Variants in CKLF observed in about 807,000 individuals in gnomAD.
The protein encoded by CKLF is chemokine-like factor.
Under a neutral mutation model 12.9 loss-of-function variants are expected in CKLF, and 16 were observed. The observed-to-expected ratio is 1.24, with a 90% confidence interval of 0.84 to 1.88. The LOEUF is 1.88. Ranked by LOEUF, CKLF falls within the 40% of genes most tolerant of loss-of-function variation. CKLF has a pLI of 0.00. For missense variants in CKLF, 172 were observed against 188.5 expected (o/e 0.91, Z 0.51); for synonymous variants, 61 against 69.0 (o/e 0.88, Z 0.57).
chr16:66,563,496 G>A (rs555202540), intron 3 of CKLF, among the ~76,000 whole-genome samples: 2 of 152,264 alleles, frequency 1.3e-5, no homozygotes, highest in South Asian at 4.1e-4. Flanking sequence ...AAAAGCTACT[G>A]GAATCAGTTA....
chr16:66,555,829 G>T (rs1372122416), intron 1 of CKLF, among the ~76,000 whole-genome samples: 1 of 152,186 alleles, frequency 6.6e-6, no homozygotes, highest in African/African-American at 2.4e-5. Flanking sequence ...AGAGGAGGGA[G>T]TGCCCAAAAT....
chr16:66,554,965 G>T (rs764296412), intron 1 of CKLF, among the ~76,000 whole-genome samples: 1 of 152,122 alleles, frequency 6.6e-6, no homozygotes, highest in African/African-American at 2.4e-5. Context: ...GGCCAGGCCC[G>T]GTGGCTCACC....
At chr16:66,561,939 G>A (rs6499092) in intron 2 of CKLF, among the ~76,000 whole-genome samples, 43,097 of 152,084 alleles carry the variant, frequency 0.28, 9,969 homozygotes, top group African/African-American at 0.63. Flanking sequence ...GAATGAAACT[G>A]ATTTTTACTT....
intron 3 of CKLF, 97 bp from the exon 4 acceptor site, chr16:66,565,789 G>C: frequency 9.0e-7 from 1 of 1,112,168 alleles, no homozygotes; most frequent in Non-Finnish European, 1.4e-6. Flanking sequence ...GAGTACCCTA[G>C]CAAGAGAGGA....
chr16:66,553,237 A>C (rs2011262825), intron 1 of CKLF, among the ~76,000 whole-genome samples: 1 of 152,016 alleles, frequency 6.6e-6, no homozygotes, highest in Non-Finnish European at 1.5e-5. Context: ...TTGGACCCAC[A>C]AACCGGGTAC....
chr16:66,552,803 G>A lies in CKLF; in HGVS notation c.78+10G>A. The A allele has an allele frequency of 6.2e-7, 1 of 1,613,922 alleles. No homozygotes were observed. The highest frequency in any genetic ancestry group is 1.1e-5 in the South Asian group (1 of 91,082). ...GAAGATGCTGCGGCTGGTGAGGCCG[G>A]GCCGCGGAGGGCGGGAGGCTGATGA... On this transcript the variant is annotated intron_variant, in intron 1 of 3. Coordinates refer to ENST00000264001, the MANE Select transcript of CKLF (RefSeq NM_016951.4).
At chr16:66,563,042 GT>G (rs769291628) in intron 2 of CKLF, 79 bp from the exon 3 acceptor site, 1 of 1,545,616 alleles carries the variant, frequency 6.5e-7, no homozygotes, top group South Asian at 1.1e-5. Flanking sequence ...TGTTGTTGTT[GT>G]TTTTTTGTTT....
upstream of CKLF, chr16:66,552,564 T>G: frequency 1.6e-6 from 2 of 1,226,610 alleles, no homozygotes; most frequent in Admixed American, 2.2e-5. Flanking sequence ...GCCGTGCGCA[T>G]GCGCGCAAGA....
At chr16:66,556,710 A>G (rs2144526778) in intron 1 of CKLF, among the ~76,000 whole-genome samples, 1 of 152,334 alleles carries the variant, frequency 6.6e-6, no homozygotes, top group Non-Finnish European at 1.5e-5. Context: ...TAAAGAATGA[A>G]GTTACTTAGT....
At chr16:66,564,580 C>T (rs762431356) in intron 3 of CKLF, among the ~76,000 whole-genome samples, 6 of 151,842 alleles carry the variant, frequency 4.0e-5, no homozygotes, top group Admixed American at 6.6e-5. Flanking sequence ...ACGCCATTCT[C>T]CTGCCTCAGC....
intron 2 of CKLF, among the ~76,000 whole-genome samples, chr16:66,558,937 G>A (rs947293665): frequency 5.9e-5 from 9 of 152,188 alleles, no homozygotes; most frequent in African/African-American, 2.2e-4. Context: ...TGCCCAGATG[G>A]TTCTGAAAAC....
chr16:66,563,546 AAAC>A (rs2011901184), intron 3 of CKLF, among the ~76,000 whole-genome samples: 1 of 152,216 alleles, frequency 6.6e-6, no homozygotes. Flanking sequence ...AAGCAAAACA[AAAC>A]AAAAGGATGG....
At chr16:66,562,894 T>G (rs1408700642) in intron 2 of CKLF, among the ~76,000 whole-genome samples, 3 of 151,660 alleles carry the variant, frequency 2.0e-5, no homozygotes, top group Admixed American at 1.3e-4. Flanking sequence ...CTAATTTTTG[T>G]TTTTTTTAGT....
chr16:66,555,631 C>G (rs906447726), intron 1 of CKLF, among the ~76,000 whole-genome samples: 2 of 152,142 alleles, frequency 1.3e-5, no homozygotes, highest in Non-Finnish European at 2.9e-5. Flanking sequence ...AGTCTTTTCT[C>G]AAGAAGTAGA....
At chr16:66,562,835 C>T (rs1234664444) in intron 2 of CKLF, among the ~76,000 whole-genome samples, 1 of 152,158 alleles carries the variant, frequency 6.6e-6, no homozygotes, top group Non-Finnish European at 1.5e-5. Flanking sequence ...ATTTTTGTGC[C>T]TCAGCCTCCC....
chr16:66,558,573 T>TG, intron 2 of CKLF: 3 of 433,848 alleles, frequency 6.9e-6, no homozygotes, highest in African/African-American at 2.1e-5. Flanking sequence ...TATCAGTAGA[T>TG]GTGGCTGACG....
chr16:66,561,617 A>G (rs939352508), intron 2 of CKLF, among the ~76,000 whole-genome samples: 17 of 152,310 alleles, frequency 1.1e-4, no homozygotes, highest in African/African-American at 3.6e-4. Flanking sequence ...TGCCTTTTGA[A>G]GCAGAGCAAA....
At position 66,563,217 on chromosome 16, in the gene CKLF, G is replaced by C. The variant is rs1056817258; in HGVS notation, c.333G>C (p.Gly111=). The C allele has an allele frequency of 6.2e-7, 1 of 1,612,454 alleles. No homozygotes were observed. The highest frequency in any genetic ancestry group is 1.3e-5 in the African/African-American group (1 of 74,828). The part of the protein sequence containing the change: ...PETTTLTVGG[G]VFALVTAVCC... The stretch of plus-strand genomic sequence containing the variant: ...CCACAACATTGACAGTTGGTGGAGG[G>C]GTAAGTGGAAGTCTTTCTGCTTGCT... Residue 111 remains glycine (G), a splice_region_variant and synonymous_variant, in exon 3 of 4, where the codon GGG becomes GGC. Transcript: ENST00000264001.
At chr16:66,564,705 C>G (rs2012051409) in intron 3 of CKLF, among the ~76,000 whole-genome samples, 1 of 152,182 alleles carries the variant, frequency 6.6e-6, no homozygotes, top group Non-Finnish European at 1.5e-5. Context: ...CTTCCGACGT[C>G]GTGATCCGCC....
Sources: allele counts gnomAD v4.1 joint callset (sites outside exome capture counted in the v4.1 genomes callset), GRCh38; gene constraint gnomAD v4.1.1; transcripts MANE v1.5; gene names NCBI Gene and HGNC (gene_info 2026-07-23, HGNC 2026-07-21).